Variants in LSAMP observed in about 807,000 individuals in gnomAD.
LSAMP encodes the protein limbic system-associated membrane protein.
A neutral mutation model predicts 38.6 loss-of-function variants in LSAMP; 7 were observed. The observed-to-expected ratio is 0.18, with a 90% CI of 0.10 to 0.34. LSAMP has a LOEUF of 0.34. Among genes scored for constraint, LSAMP ranks in the 10% least tolerant of loss-of-function variants. LSAMP has a pLI of 1.00. For missense variants in LSAMP, 313 were observed against 420.0 expected (o/e 0.75, Z 2.23); for synonymous variants, 154 against 166.8 (o/e 0.92, Z 0.59).
intron 1 of LSAMP, among the ~76,000 whole-genome samples, chr3:116,105,000 C>T (rs1016713273): frequency 2.0e-5 from 3 of 152,154 alleles, no homozygotes; most frequent in African/African-American, 7.2e-5. Context: ...ATAGCAGGCA[C>T]CCGTGTCAAA....
At chr3:116,085,652 T>C (rs1230342928) in intron 2 of LSAMP, among the ~76,000 whole-genome samples, 4 of 152,144 alleles carry the variant, frequency 2.6e-5, no homozygotes, top group South Asian at 4.1e-4. Context: ...GAGCAACAGT[T>C]TGGGGGTATG....
chr3:115,881,484 C>A (rs753783378), intron 3 of LSAMP, among the ~76,000 whole-genome samples: 33 of 152,040 alleles, frequency 2.2e-4, no homozygotes, highest in Non-Finnish European at 3.4e-4. Flanking sequence ...TTTCTTCCAC[C>A]GACCTTGTTA....
chr3:116,093,930 G>A (rs573594439), intron 1 of LSAMP, among the ~76,000 whole-genome samples: 4 of 152,186 alleles, frequency 2.6e-5, no homozygotes, highest in South Asian at 2.1e-4. Flanking sequence ...AATTGGTCTG[G>A]GAAGTGATGC....
chr3:116,132,278 C>T (rs1247323132), intron 1 of LSAMP, among the ~76,000 whole-genome samples: 1 of 151,916 alleles, frequency 6.6e-6, no homozygotes, highest in East Asian at 1.9e-4. Context: ...AAATTAACAT[C>T]CCTGGAGGCC....
At chr3:116,181,938 T>G (rs1011746923) in intron 1 of LSAMP, among the ~76,000 whole-genome samples, 1 of 151,976 alleles carries the variant, frequency 6.6e-6, no homozygotes, top group East Asian at 1.9e-4. Flanking sequence ...TGTTTCAGTC[T>G]ATCCAATGAT....
At chr3:115,854,946 A>G (rs960995340) in intron 3 of LSAMP, among the ~76,000 whole-genome samples, 3 of 152,210 alleles carry the variant, frequency 2.0e-5, no homozygotes, top group Non-Finnish European at 4.4e-5. Flanking sequence ...TAATGAGAAA[A>G]TAGTTAATAA....
chr3:116,119,798 T>C (rs937204028), intron 1 of LSAMP, among the ~76,000 whole-genome samples: 2 of 151,848 alleles, frequency 1.3e-5, no homozygotes, highest in East Asian at 3.9e-4. Flanking sequence ...GTAGCTGGGA[T>C]TGTAGATGTG....
At chr3:115,868,962 T>C (rs1052283606) in intron 3 of LSAMP, among the ~76,000 whole-genome samples, 1 of 145,574 alleles carries the variant, frequency 6.9e-6, no homozygotes, top group Non-Finnish European at 1.5e-5. Context: ...TTGTCTTTTA[T>C]AAATCAGGAA....
intron 1 of LSAMP, among the ~76,000 whole-genome samples, chr3:116,187,434 G>T (rs140112566): frequency 8.2e-4 from 124 of 151,708 alleles, no homozygotes; most frequent in African/African-American, 2.8e-3. Context: ...AAAAAGAAAA[G>T]AAAAAAAATG....
intron 1 of LSAMP, among the ~76,000 whole-genome samples, chr3:116,355,636 A>G (rs2048212854): frequency 6.6e-6 from 1 of 152,182 alleles, no homozygotes; most frequent in Non-Finnish European, 1.5e-5. Flanking sequence ...AACAATCCAC[A>G]AAATGAAGAG....
At chr3:115,873,064 T>C (rs561868321) in intron 3 of LSAMP, among the ~76,000 whole-genome samples, 1 of 152,066 alleles carries the variant, frequency 6.6e-6, no homozygotes, top group South Asian at 2.1e-4. Flanking sequence ...AGCTACAAAT[T>C]AGTGGAATCA....
At chr3:116,248,777 G>C (rs1354710190) in intron 1 of LSAMP, among the ~76,000 whole-genome samples, 1 of 151,984 alleles carries the variant, frequency 6.6e-6, no homozygotes, top group Admixed American at 6.6e-5. Context: ...ACATATGTAG[G>C]CATGAGCACA....
chr3:116,078,955 T>C (rs1707811554), intron 2 of LSAMP, among the ~76,000 whole-genome samples: 1 of 152,144 alleles, frequency 6.6e-6, no homozygotes, highest in Non-Finnish European at 1.5e-5. Context: ...TACTGGGGTG[T>C]CTGTGCTCCA....
intron 1 of LSAMP, among the ~76,000 whole-genome samples, chr3:116,233,850 C>T (rs2046433215): frequency 6.6e-6 from 1 of 152,142 alleles, no homozygotes; most frequent in Non-Finnish European, 1.5e-5. Context: ...TTCCACACTG[C>T]AGTTCAATTT....
intron 1 of LSAMP, among the ~76,000 whole-genome samples, chr3:116,223,775 T>A (rs959522622): frequency 1.3e-5 from 2 of 152,202 alleles, no homozygotes; most frequent in African/African-American, 2.4e-5. Flanking sequence ...AGCATTTAAC[T>A]ATATGAGAGT....
chr3:116,223,521 C>G (rs941020629), intron 1 of LSAMP, among the ~76,000 whole-genome samples: 11 of 152,086 alleles, frequency 7.2e-5, no homozygotes, highest in Non-Finnish European at 1.5e-4. Context: ...AAGAAAACTA[C>G]TGAAAATATT....
intron 1 of LSAMP, among the ~76,000 whole-genome samples, chr3:116,215,873 G>A (rs1452593010): frequency 6.6e-6 from 1 of 152,144 alleles, no homozygotes; most frequent in Non-Finnish European, 1.5e-5. Flanking sequence ...GATTGTAGAA[G>A]CACAATTATT....
chr3:116,313,924 A>T (rs535742957), intron 1 of LSAMP, among the ~76,000 whole-genome samples: 7 of 152,386 alleles, frequency 4.6e-5, no homozygotes, highest in Non-Finnish European at 7.3e-5. Context: ...ATTGCACTCC[A>T]GCCTGGGCTA....
intron 1 of LSAMP, among the ~76,000 whole-genome samples, chr3:116,271,265 A>ATAAG (rs942310437): frequency 9.2e-5 from 14 of 152,092 alleles, no homozygotes; most frequent in African/African-American, 3.4e-4. Flanking sequence ...TGTCTGGTAA[A>ATAAG]TAAGTTAATT....
Sources: allele counts gnomAD v4.1 joint callset (sites outside exome capture counted in the v4.1 genomes callset), GRCh38; gene constraint gnomAD v4.1.1; transcripts MANE v1.5; gene names NCBI Gene and HGNC (gene_info 2026-07-23, HGNC 2026-07-21).